Variants in ERVMER34-1 observed in about 807,000 individuals in gnomAD.
ERVMER34-1 encodes the protein endogenous retrovirus group MER34 member 1, envelope, also known as endogenous retroviral envelope protein HEMO.
For synonymous variants in ERVMER34-1, 199 were observed against 111.7 expected (o/e 1.78, Z -4.93); for missense variants, 471 against 295.1 (o/e 1.60, Z -4.37).
At chr4:52,750,427 T>C (rs1210093860) in intron 2 of ERVMER34-1, among the ~76,000 whole-genome samples, 3 of 152,294 alleles carry the variant, frequency 2.0e-5, no homozygotes, top group South Asian at 4.1e-4. Flanking sequence ...AGGAAACTGA[T>C]AGAGTATCTT....
In ERVMER34-1 at chr4:52,745,631, G is replaced by T; in HGVS notation, c.-111C>A. The T allele has an allele frequency of 1.6e-6, 1 of 621,626 alleles. No homozygotes were observed. Among genetic ancestry groups the T allele is most frequent in the Non-Finnish European group, 2.9e-6 (1 of 348,758 alleles). 38.5% of individuals were successfully genotyped at this position (621,626 alleles called of 1,614,324 possible). ...GTCAGAGAATTTTCCAGGTTGAGGAGGGAAGATGTTTCAGCTAGTTGGAGA... is the reference window on the plus strand; with the variant it reads ...GTCAGAGAATTTTCCAGGTTGAGGATGGAAGATGTTTCAGCTAGTTGGAGA... On this transcript the variant is annotated 5_prime_UTR_variant, in exon 3 of 3. Coordinates refer to ENST00000443173, the MANE Select transcript of ERVMER34-1 (RefSeq NM_001242690.2).
intron 2 of ERVMER34-1, among the ~76,000 whole-genome samples, chr4:52,747,382 T>G (rs1656280256): frequency 6.6e-6 from 1 of 152,188 alleles, no homozygotes; most frequent in Non-Finnish European, 1.5e-5. Flanking sequence ...ATACCTCCTC[T>G]ATCTGGCCCT....
intron 2 of ERVMER34-1, among the ~76,000 whole-genome samples, chr4:52,749,956 A>T (rs1389253296): frequency 1.3e-5 from 2 of 151,996 alleles, no homozygotes; most frequent in Non-Finnish European, 2.9e-5. Context: ...CAGTTTGGAA[A>T]CCCCATAGAT....
chr4:52,750,095 T>A (rs1416376043), intron 2 of ERVMER34-1, among the ~76,000 whole-genome samples: 2 of 152,022 alleles, frequency 1.3e-5, no homozygotes, highest in Non-Finnish European at 2.9e-5. Flanking sequence ...ACATCCCAGG[T>A]TCAAGCAATT....
At chr4:52,750,408 G>A (rs777775476) in intron 2 of ERVMER34-1, among the ~76,000 whole-genome samples, 6 of 152,208 alleles carry the variant, frequency 3.9e-5, no homozygotes, top group Non-Finnish European at 2.9e-5. Flanking sequence ...TGTTCATTGC[G>A]CAACACTTAG....
chr4:52,750,478 CA>C (rs1716260139), intron 2 of ERVMER34-1, among the ~76,000 whole-genome samples: 1 of 152,080 alleles, frequency 6.6e-6, no homozygotes, highest in Non-Finnish European at 1.5e-5. Flanking sequence ...AATGGGCAGG[CA>C]AAAATGGACT....
chr4:52,749,763 G>A (rs548314472), intron 2 of ERVMER34-1, among the ~76,000 whole-genome samples: 63 of 152,250 alleles, frequency 4.1e-4, no homozygotes, highest in African/African-American at 1.4e-3. Context: ...GCAACAGAGC[G>A]AGGCTCTGTC....
intron 2 of ERVMER34-1, 175 bp downstream of exon 2, chr4:52,750,755 G>C (rs192488455): frequency 4.5e-4 from 68 of 152,550 alleles, no homozygotes; most frequent in African/African-American, 1.4e-3. Flanking sequence ...GGCCACATGG[G>C]AAAGACACCA....
rs185720967 is a variant in ERVMER34-1, at chr4:52,745,123, C to G, written c.398G>C (p.Ser133Thr). Residue 133 changes from serine (S) to threonine (T), a missense_variant, in exon 3 of 3, where the codon AGT (serine) becomes ACT (threonine). Coordinates refer to ENST00000443173, the MANE Select transcript of ERVMER34-1 (RefSeq NM_001242690.2). ...AGGTATATTACCTAGGAAGGGTCCACTGCCATTTTTATTTTCTACGCAAAG... is the reference window on the plus strand; with the variant it reads ...AGGTATATTACCTAGGAAGGGTCCAGTGCCATTTTTATTTTCTACGCAAAG... ...FSLCVENKNG[S>T]GPFLGNIPKQ... 1,014 of 704,152 alleles carry G rather than the reference C, an allele frequency of 1.4e-3. 11 individuals carry two copies. Among genetic ancestry groups the G allele is most frequent in the South Asian group, 9.1e-3 (618 of 67,602 alleles). The allele number at this position is 704,152 out of a possible 1,614,324, so 43.6% of individuals were successfully genotyped here. A position where few individuals can be genotyped will look rare whatever the true frequency, so the allele number is the denominator to read the frequency against.
In ERVMER34-1 at chr4:52,742,614, T is replaced by C. The variant is rs910415873; in HGVS notation, c.*1215A>G. On this transcript the variant is annotated 3_prime_UTR_variant, in exon 3 of 3. Coordinates refer to ENST00000443173, the MANE Select transcript of ERVMER34-1 (RefSeq NM_001242690.2). The stretch of plus-strand genomic sequence containing the variant: ...ACATATACATATCATTTCCCCTTTT[T>C]TAAAATAAAAAGTAACATACGAGGC... 1 of 152,076 alleles carries C rather than the reference T, an allele frequency of 6.6e-6. No individual in the cohort carries two copies. Among genetic ancestry groups the C allele is most frequent in the African/African-American group, 2.4e-5 (1 of 41,418 alleles). The allele number at this position is 152,076 out of a possible 1,614,324, so 9.4% of individuals were successfully genotyped here. A position where few individuals can be genotyped will look rare whatever the true frequency, so the allele number is the denominator to read the frequency against.
rs373662768 is a variant in ERVMER34-1, at chr4:52,745,233, A to C, written c.288T>G (p.Arg96=). ...EVQNHSTSSY[R]KVTWHWEASM... The stretch of plus-strand genomic sequence containing the variant: ...AGGCTTCCCAGTGCCAAGTCACTTT[A>C]CGATAGGAGGAAGTAGAGTGATTCT... Residue 96 remains arginine (R), a synonymous_variant, in exon 3 of 3, where the codon CGT becomes CGG. Coordinates refer to ENST00000443173, the MANE Select transcript of ERVMER34-1 (RefSeq NM_001242690.2). 3 of 703,942 alleles carry C rather than the reference A, an allele frequency of 4.3e-6. No homozygotes were observed. The African/African-American group carries it at 5.2e-5, about 12-fold the overall frequency. 43.6% of individuals were successfully genotyped at this position (703,942 alleles called of 1,614,324 possible).
Position 52,744,730 on chromosome 4 carries a change from TC to T in ERVMER34-1, c.790del (p.Asp264MetfsTer4), listed in dbSNP as rs1560436540. 1 of 704,178 alleles carries T rather than the reference TC, an allele frequency of 1.4e-6. No individual in the cohort carries two copies. Among genetic ancestry groups the T allele is most frequent in the Non-Finnish European group, 2.6e-6 (1 of 385,010 alleles). The allele number at this position is 704,178 out of a possible 1,614,324, so 43.6% of individuals were successfully genotyped here. A position where few individuals can be genotyped will look rare whatever the true frequency, so the allele number is the denominator to read the frequency against. ...TEAHGKWRCA[D>X]ASITNDKGHD... ...ACCTTTGTCATTAGTTATGCTGGCA[TC>T]TGCACATCTCCATTTCCCATGTGCC... On this transcript the variant is annotated frameshift_variant, in exon 3 of 3. Transcript: ENST00000443173. LOFTEE classifies it low-confidence loss of function (END_TRUNC).
At chr4:52,750,155 C>T (rs994442074) in intron 2 of ERVMER34-1, among the ~76,000 whole-genome samples, 3 of 152,034 alleles carry the variant, frequency 2.0e-5, no homozygotes, top group East Asian at 3.9e-4. Context: ...TGCACCACCA[C>T]GCCTGGCTAA....
In ERVMER34-1 at chr4:52,744,137, G is replaced by A. The variant is rs1716082236; in HGVS notation, c.1384C>T (p.His462Tyr). 1.4e-6 allele frequency: 1 copy of A among 703,958 alleles called. No homozygotes were observed. Among genetic ancestry groups the A allele is most frequent in the African/African-American group, 1.7e-5 (1 of 57,228 alleles). 43.6% of individuals were successfully genotyped at this position (703,958 alleles called of 1,614,324 possible). A position where few individuals can be genotyped will look rare whatever the true frequency, so the allele number is the denominator to read the frequency against. ...EEIKSNIQRL[H>Y]EASENLKNVP... ...TTCTTCAGGTTCTCGGATGCTTCGT[G>A]GAGACGCTGTATATTAGACTTTATT... Residue 462 changes from histidine to tyrosine, a missense_variant, in exon 3 of 3, where the codon CAC becomes TAC. Coordinates refer to ENST00000443173, the MANE Select transcript of ERVMER34-1 (RefSeq NM_001242690.2).
rs1205721985 is a variant in ERVMER34-1 at position 52,744,487 on chromosome 4, T to C, written c.1034A>G (p.His345Arg). 1.4e-6 allele frequency: 1 copy of C among 704,168 alleles called. No homozygotes were observed. Among genetic ancestry groups the C allele is most frequent in the Non-Finnish European group, 2.6e-6 (1 of 385,014 alleles). The allele number at this position is 704,168 out of a possible 1,614,324, so 43.6% of individuals were successfully genotyped here. A position where few individuals can be genotyped will look rare whatever the true frequency, so the allele number is the denominator to read the frequency against. ...GGTGCATCTATGCGGTGTTACTTTATGAATGAAGGATCTCAGGTTTGTAAT... is the reference window on the plus strand; with the variant it reads ...GGTGCATCTATGCGGTGTTACTTTACGAATGAAGGATCTCAGGTTTGTAAT... ...SQITNLRSFI[H>R]KVTPHRCTQG... Residue 345 changes from histidine to arginine, a missense_variant, in exon 3 of 3, where the codon CAT becomes CGT. His to Arg is a conservative substitution (Grantham distance 29). Coordinates refer to ENST00000443173, the MANE Select transcript of ERVMER34-1 (RefSeq NM_001242690.2).
At position 52,743,612 on chromosome 4, in the gene ERVMER34-1, C is replaced by T; in HGVS notation, c.*217G>A. On this transcript the variant is annotated 3_prime_UTR_variant, in exon 3 of 3. Coordinates refer to ENST00000443173, the MANE Select transcript of ERVMER34-1 (RefSeq NM_001242690.2). ...CAGCAAGGGGTAAGGGTTTACAGAT[C>T]AGCTTTATGGTGTGTGTCTTAAGGC... 1 of 471,032 alleles carries T rather than the reference C, an allele frequency of 2.1e-6. No homozygotes were observed. Among genetic ancestry groups the T allele is most frequent in the Non-Finnish European group, 3.7e-6 (1 of 271,448 alleles). 29.2% of individuals were successfully genotyped at this position (471,032 alleles called of 1,614,324 possible).
intron 2 of ERVMER34-1, chr4:52,748,112 A>G (rs561683798): frequency 5.9e-6 from 1 of 168,974 alleles, no homozygotes; most frequent in Admixed American, 6.2e-5. Flanking sequence ...TGTAAAAAAA[A>G]AAAATCTTAA....
Position 52,744,890 on chromosome 4 carries a change from AGTC to A in ERVMER34-1, c.628_630del (p.Asp210del). ...CCAGAATTTCGATCTACCCATTTGT[AGTC>A]TTGGGTATTGGGCAGACCAATCAAG... On this transcript the variant is annotated inframe_deletion, in exon 3 of 3. Transcript: ENST00000443173. 2.8e-6 allele frequency: 2 copies of A among 704,146 alleles called. No homozygotes were observed. Among genetic ancestry groups the A allele is most frequent in the African/African-American group, 1.7e-5 (1 of 57,384 alleles). The allele number at this position is 704,146 out of a possible 1,614,324, so 43.6% of individuals were successfully genotyped here.
In ERVMER34-1 at chr4:52,744,360, T is replaced by A. The variant is rs765839180; in HGVS notation, c.1161A>T (p.Ala387=). The change falls in exon 3 of 3, where the codon GCA becomes GCT. Residue 387 remains alanine (A), a synonymous_variant. Transcript: ENST00000443173. ...PSLGTYDLEK[A]ILNISKAMEQ... is the part of the protein sequence containing the mutation. The stretch of plus-strand genomic sequence containing the variant: ...CCATTGCTTTGGAAATGTTTAGAAT[T>A]GCCTTTTCTAAATCATAAGTTCCCA... The A allele has an allele frequency of 3.0e-5, 21 of 704,024 alleles. No homozygotes were observed. The African/African-American group carries it at 3.7e-4, about 12-fold the overall frequency. The allele number at this position is 704,024 out of a possible 1,614,324, so 43.6% of individuals were successfully genotyped here. A position where few individuals can be genotyped will look rare whatever the true frequency, so the allele number is the denominator to read the frequency against.
Sources: gnomAD v4.1 joint callset for allele counts (sites outside exome capture counted in the v4.1 genomes callset) on GRCh38, gnomAD v4.1.1 for gene constraint, MANE v1.5 for transcripts, NCBI Gene and HGNC (gene_info 2026-07-23, HGNC 2026-07-21) for gene names.